Variants in CCDC170 observed in about 807,000 individuals in gnomAD.
CCDC170 encodes coiled-coil domain containing 170.
Under a neutral mutation model 72.6 loss-of-function variants are expected in CCDC170, and 69 were observed. The ratio of observed to expected loss-of-function variants is 0.95; its 90% CI spans 0.78 to 1.16. The LOEUF is 1.16. CCDC170 is among the 50% of genes most tolerant of loss of function. CCDC170 has a pLI of 0.00. For synonymous variants in CCDC170, 300 were observed against 303.9 expected, an observed-to-expected ratio of 0.99 and a Z score of 0.13; for missense variants, 852 against 832.5, an observed-to-expected ratio of 1.02 and a Z score of -0.29.
At chr6:151,546,747 C>T (rs112187330) in intron 4 of CCDC170, among the ~76,000 whole-genome samples, 11 of 152,290 alleles carry the variant, frequency 7.2e-5, no homozygotes, top group South Asian at 4.1e-4. Flanking sequence ...TAAAGCCTCT[C>T]GCCCGCTTTT....
chr6:151,531,491 C>G (rs766341706), intron 1 of CCDC170, among the ~76,000 whole-genome samples: 12 of 152,106 alleles, frequency 7.9e-5, no homozygotes, highest in Non-Finnish European at 1.6e-4. Context: ...GTAGTCCTAG[C>G]TACTCGAGGG....
intron 9 of CCDC170, among the ~76,000 whole-genome samples, chr6:151,613,473 CA>C (rs759203575): frequency 6.6e-6 from 1 of 152,180 alleles, no homozygotes; most frequent in Non-Finnish European, 1.5e-5. Context: ...TATCATATTT[CA>C]AAACATTTTC....
intron 7 of CCDC170, among the ~76,000 whole-genome samples, chr6:151,587,868 G>A (rs933332521): frequency 5.9e-5 from 9 of 152,128 alleles, no homozygotes; most frequent in Non-Finnish European, 1.2e-4. Flanking sequence ...TGTGGTAAGT[G>A]AGCCATCTTC....
Position 151,596,438 on chromosome 6 carries a change from T to C in CCDC170, c.1571T>C (p.Leu524Ser), listed in dbSNP as rs777209570. Residue 524 changes from leucine (L) to serine (S), a missense_variant, in exon 9 of 11, where the codon TTG (leucine) becomes TCG (serine). By Grantham distance (145) the Leu-to-Ser change is moderately radical. Coordinates refer to ENST00000239374, the MANE Select transcript of CCDC170 (RefSeq NM_025059.4). ...LEEEKQARTALVVERDNAHLT... is the reference protein window; with the variant it reads ...LEEEKQARTASVVERDNAHLT... ...GAGGAGAAGCAGGCACGCACGGCCT[T>C]GGTGGTTGAGAGGGACAACGCGCAT... The C allele has an allele frequency of 1.7e-5, 27 of 1,613,966 alleles. No individual in the cohort carries two copies. The African/African-American group carries it at 2.3e-4, about 14-fold the overall frequency.
chr6:151,511,495 T>G (rs1478221110), intron 1 of CCDC170, among the ~76,000 whole-genome samples: 1 of 152,202 alleles, frequency 6.6e-6, no homozygotes, highest in Non-Finnish European at 1.5e-5. Context: ...TCACCAGATA[T>G]TTATGGGGTG....
chr6:151,494,133 G>T lies in CCDC170; in HGVS notation c.5G>T (p.Ser2Ile), dbSNP rs919768158. 33 of 1,512,978 alleles carry T rather than the reference G, an allele frequency of 2.2e-5. No individual in the cohort carries two copies. The highest frequency in any genetic ancestry group is 2.8e-5 in the Non-Finnish European group (32 of 1,136,944). 93.7% of individuals were successfully genotyped at this position (1,512,978 alleles called of 1,614,324 possible). The change falls in exon 1 of 11, where the codon AGC becomes ATC. Residue 2 changes from serine to isoleucine, a missense_variant. By Grantham distance (142) the Ser-to-Ile change is moderately radical. Coordinates refer to ENST00000239374, the MANE Select transcript of CCDC170 (RefSeq NM_025059.4). ...CGCCCCCGGGCTCGGGTCGTCATGA[G>T]CCTGGACTGCACCAGCCATATCGCG... MSLDCTSHIALG... is the reference protein window; with the variant it reads MILDCTSHIALG...
At chr6:151,592,653 CT>C (rs1332331807) in intron 7 of CCDC170, among the ~76,000 whole-genome samples, 4 of 152,112 alleles carry the variant, frequency 2.6e-5, no homozygotes, top group Admixed American at 2.0e-4. Context: ...CACTAGGTCC[CT>C]CCCACAACAT....
At chr6:151,568,514 G>A (rs767619256) in intron 5 of CCDC170, among the ~76,000 whole-genome samples, 15 of 152,170 alleles carry the variant, frequency 9.9e-5, no homozygotes, top group Admixed American at 3.3e-4. Flanking sequence ...AAAATTCCCC[G>A]GTGTTTTCAT....
chr6:151,581,535 A>G (rs1390571148), intron 6 of CCDC170, among the ~76,000 whole-genome samples: 1 of 152,132 alleles, frequency 6.6e-6, no homozygotes, highest in African/African-American at 2.4e-5. Flanking sequence ...GAAGTCCTGA[A>G]CCCCTCAGAA....
intron 1 of CCDC170, among the ~76,000 whole-genome samples, chr6:151,527,146 C>T (rs529572382): frequency 5.3e-5 from 8 of 150,694 alleles, no homozygotes; most frequent in Admixed American, 1.3e-4. Flanking sequence ...ATCCACCTGC[C>T]TCAGCCTCCC....
At chr6:151,562,843 G>T (rs77182997) in intron 5 of CCDC170, among the ~76,000 whole-genome samples, 2,813 of 152,182 alleles carry the variant, frequency 0.018, 99 homozygotes, top group African/African-American at 0.064. Context: ...TGGTGTTGAG[G>T]TGTAGGTGTG....
At chr6:151,614,715 C>A (rs1776930980) in intron 9 of CCDC170, among the ~76,000 whole-genome samples, 1 of 151,552 alleles carries the variant, frequency 6.6e-6, no homozygotes, top group Non-Finnish European at 1.5e-5. Flanking sequence ...GGTGATCTGG[C>A]CGGCTGGGAT....
chr6:151,602,550 G>C (rs74360599), intron 9 of CCDC170, among the ~76,000 whole-genome samples: 8,723 of 152,144 alleles, frequency 0.057, 307 homozygotes, highest in South Asian at 0.096. Context: ...AGGGAGGGAG[G>C]TGATTGGATC....
chr6:151,494,494 A>G (rs1477408191), intron 1 of CCDC170, among the ~76,000 whole-genome samples: 3 of 152,168 alleles, frequency 2.0e-5, no homozygotes, highest in Admixed American at 2.0e-4. Context: ...CCTGGGAGCA[A>G]AGAATTCCTT....
intron 6 of CCDC170, among the ~76,000 whole-genome samples, chr6:151,583,324 G>T (rs1031163404): frequency 1.3e-5 from 2 of 151,780 alleles, no homozygotes; most frequent in Admixed American, 1.3e-4. Context: ...CTTCAAGAAC[G>T]CTTCCTTTCT....
chr6:151,621,191 C>T lies in CCDC170; in HGVS notation c.*3044C>T. 6.6e-6 allele frequency: 1 copy of T among 152,122 alleles called. No homozygotes were observed. The highest frequency in any genetic ancestry group is 1.9e-4 in the East Asian group (1 of 5,200). 9.4% of individuals were successfully genotyped at this position (152,122 alleles called of 1,614,324 possible). Reference sequence around the variant, plus strand: ...AGCCATTTTCTTCTTTGTTAAAATGCCAGTTGGTTGTTGGATTTCCCTTTA... The same window carrying T: ...AGCCATTTTCTTCTTTGTTAAAATGTCAGTTGGTTGTTGGATTTCCCTTTA... On this transcript the variant is annotated 3_prime_UTR_variant, in exon 11 of 11. Transcript: ENST00000239374.
intron 6 of CCDC170, among the ~76,000 whole-genome samples, chr6:151,579,902 C>T (rs919847880): frequency 6.6e-6 from 1 of 152,140 alleles, no homozygotes; most frequent in Non-Finnish European, 1.5e-5. Flanking sequence ...GCAAAGTCTA[C>T]GAATTTCAGA....
chr6:151,530,656 G>A (rs1782480331), intron 1 of CCDC170, among the ~76,000 whole-genome samples: 2 of 151,996 alleles, frequency 1.3e-5, no homozygotes, highest in South Asian at 4.2e-4. Flanking sequence ...TGGTCAGGCT[G>A]GTCTTGAACT....
intron 5 of CCDC170, among the ~76,000 whole-genome samples, chr6:151,562,678 A>G (rs149321832): frequency 6.6e-6 from 1 of 152,320 alleles, no homozygotes; most frequent in East Asian, 1.9e-4. Context: ...GTGGAATAGC[A>G]CTAAGCTCTT....
Sources: gnomAD v4.1 joint callset for allele counts (sites outside exome capture counted in the v4.1 genomes callset) on GRCh38, gnomAD v4.1.1 for gene constraint, MANE v1.5 for transcripts, NCBI Gene and HGNC (gene_info 2026-07-23, HGNC 2026-07-21) for gene names.